The following CCR8 variants were observed in gnomAD, a reference collection of about 807,000 sequenced individuals.
CCR8 encodes the protein C-C chemokine receptor type 8.
For missense variants in CCR8, 358 were observed against 417.5 expected (o/e 0.86, Z 1.24); for synonymous variants, 156 against 165.7 (o/e 0.94, Z 0.45).
chr3:39,333,076 C>T lies in CCR8; in HGVS notation c.745C>T (p.Leu249Phe). The change falls in exon 2 of 2, where the codon CTT (leucine) becomes TTT (phenylalanine). Residue 249 changes from leucine to phenylalanine, a missense_variant. Leu to Phe is a conservative substitution (Grantham distance 22). Coordinates refer to ENST00000326306, the MANE Select transcript of CCR8 (RefSeq NM_005201.4). ...LVLIVVIASL[L>F]FWVPFNVVLF... ...GCTCATTGTGGTCATTGCATCTTTA[C>T]TTTTCTGGGTCCCATTCAACGTGGT... 1.9e-6 allele frequency: 3 copies of T among 1,614,130 alleles called. No individual in the cohort carries two copies. Among genetic ancestry groups the T allele is most frequent in the Non-Finnish European group, 2.5e-6 (3 of 1,180,028 alleles).
rs184331621 is a variant in CCR8 at position 39,331,128 on chromosome 3, G to A, written c.-14-1190G>A. On this transcript the variant is annotated intron_variant, in intron 1 of 1. Transcript: ENST00000326306. Reference sequence around the variant, plus strand: ...TTAGCAGCTGCTAATTCTAGGTGATGGAACTATGGGTATTTACATTTTCTT... The same window carrying A: ...TTAGCAGCTGCTAATTCTAGGTGATAGAACTATGGGTATTTACATTTTCTT... Among the ~76,000 whole-genome samples, 58 of 152,250 alleles carry A rather than the reference G, an allele frequency of 3.8e-4. 1 individual carries two copies. In the East Asian group the frequency reaches 0.011, roughly 28 times the overall value.
intron 1 of CCR8, among the ~76,000 whole-genome samples, chr3:39,330,802 A>G (rs1044916751): frequency 3.3e-5 from 5 of 152,224 alleles, no homozygotes; most frequent in African/African-American, 1.2e-4. Flanking sequence ...TTAAAACAAT[A>G]TATCATTTAT....
At position 39,333,328 on chromosome 3, in the gene CCR8, G is replaced by T; in HGVS notation, c.997G>T (p.Glu333Ter). The T allele has an allele frequency of 6.2e-7, 1 of 1,614,050 alleles. No individual in the cohort carries two copies. Among genetic ancestry groups the T allele is most frequent in the South Asian group, 1.1e-5 (1 of 91,088 alleles). The change falls in exon 2 of 2, where the codon GAG becomes TAG. Residue 333 changes from glutamate to a stop codon, truncating the protein, a stop_gained. Coordinates refer to ENST00000326306, the MANE Select transcript of CCR8 (RefSeq NM_005201.4). LOFTEE classifies it low-confidence loss of function (END_TRUNC). ...FNYLGRQMPR[E>*]SCEKSSSCQQ... is the part of the protein sequence containing the mutation. ...CTACCTAGGAAGACAAATGCCTAGG[G>T]AGAGCTGTGAAAAGTCATCATCCTG... is the stretch of plus-strand genomic sequence containing the variant.
rs1215924457 is a variant in CCR8, at chr3:39,333,001, C to G, written c.670C>G (p.Gln224Glu). The G allele has an allele frequency of 6.2e-7, 1 of 1,614,124 alleles. No individual in the cohort carries two copies. Among genetic ancestry groups the G allele is most frequent in the Non-Finnish European group, 8.5e-7 (1 of 1,180,000 alleles). Residue 224 changes from glutamine (Q) to glutamate (E), a missense_variant, in exon 2 of 2, where the codon CAG becomes GAG. Transcript: ENST00000326306. ...GTTCTGCTACATTAAAATCCTGCAC[C>G]AGCTGAAGAGGTGTCAAAACCACAA... The part of the protein sequence containing the change: ...FMFCYIKILH[Q>E]LKRCQNHNKT...
At position 39,333,116 on chromosome 3, in the gene CCR8, C is replaced by A. The variant is rs1177779611; in HGVS notation, c.785C>A (p.Ser262Tyr). ...TTCAACGTGGTTCTTTTCCTCACTT[C>A]CTTGCACAGTATGCACATCTTGGAT... is the stretch of plus-strand genomic sequence containing the variant. ...VPFNVVLFLT[S>Y]LHSMHILDGC... Residue 262 changes from serine (S) to tyrosine (Y), a missense_variant, in exon 2 of 2, where the codon TCC (serine) becomes TAC (tyrosine). Physicochemically the swap from Ser to Tyr is moderately radical, Grantham distance 144 (BLOSUM62 -2). Coordinates refer to ENST00000326306, the MANE Select transcript of CCR8 (RefSeq NM_005201.4). 2.5e-6 allele frequency: 4 copies of A among 1,614,010 alleles called. No individual in the cohort carries two copies. Among genetic ancestry groups the A allele is most frequent in the Admixed American group, 1.7e-5 (1 of 59,992 alleles).
At chr3:39,332,164 C>T (rs1424165012) in intron 1 of CCR8, among the ~76,000 whole-genome samples, 154 bp from the exon 2 acceptor site, 3 of 152,148 alleles carry the variant, frequency 2.0e-5, no homozygotes, top group African/African-American at 7.2e-5. Context: ...CAAATAGTCT[C>T]ACCCACTCCA....
At chr3:39,331,903 T>TCCA (rs2041259329) in intron 1 of CCR8, among the ~76,000 whole-genome samples, 1 of 132,740 alleles carries the variant, frequency 7.5e-6, no homozygotes, top group African/African-American at 2.8e-5. Flanking sequence ...CACAGCAACC[T>TCCA]CCACCTCTTC....
At position 39,332,971 on chromosome 3, in the gene CCR8, T is replaced by A; in HGVS notation, c.640T>A (p.Phe214Ile). 2 of 1,614,186 alleles carry A rather than the reference T, an allele frequency of 1.2e-6. No homozygotes were observed. The highest frequency in any genetic ancestry group is 1.7e-6 in the Non-Finnish European group (2 of 1,180,012). The change falls in exon 2 of 2, where the codon TTT becomes ATT. Residue 214 changes from phenylalanine (F) to isoleucine (I), a missense_variant. Transcript: ENST00000326306. ...ILGLLIPFTI[F>I]MFCYIKILHQ... ...AGGCTTGTTGATCCCATTCACCATCTTTATGTTCTGCTACATTAAAATCCT... is the reference window on the plus strand; with the variant it reads ...AGGCTTGTTGATCCCATTCACCATCATTATGTTCTGCTACATTAAAATCCT...
chr3:39,332,463 C>T lies in CCR8; in HGVS notation c.132C>T (p.Leu44=). 1 of 1,614,066 alleles carries T rather than the reference C, an allele frequency of 6.2e-7. No individual in the cohort carries two copies. The highest frequency in any genetic ancestry group is 8.5e-7 in the Non-Finnish European group (1 of 1,180,012). Residue 44 remains leucine, a synonymous_variant, in exon 2 of 2, where the codon CTC becomes CTT. Coordinates refer to ENST00000326306, the MANE Select transcript of CCR8 (RefSeq NM_005201.4). ...GKLLLAVFYC[L]LFVFSLLGNS... Reference sequence around the variant, plus strand: ...TGCTCCTTGCTGTCTTTTATTGCCTCCTGTTTGTATTCAGTCTTCTGGGAA... The same window carrying T: ...TGCTCCTTGCTGTCTTTTATTGCCTTCTGTTTGTATTCAGTCTTCTGGGAA...
In CCR8 at chr3:39,333,009, G is replaced by C. The variant is rs967301795; in HGVS notation, c.678G>C (p.Lys226Asn). The change falls in exon 2 of 2, where the codon AAG becomes AAC. Residue 226 changes from lysine (K) to asparagine (N), a missense_variant. Physicochemically the swap from Lys to Asn is moderately conservative, Grantham distance 94 (BLOSUM62 0). Coordinates refer to ENST00000326306, the MANE Select transcript of CCR8 (RefSeq NM_005201.4). ...ACATTAAAATCCTGCACCAGCTGAAGAGGTGTCAAAACCACAACAAGACCA... is the reference window on the plus strand; with the variant it reads ...ACATTAAAATCCTGCACCAGCTGAACAGGTGTCAAAACCACAACAAGACCA... ...FCYIKILHQLKRCQNHNKTKA... is the reference protein window; with the variant it reads ...FCYIKILHQLNRCQNHNKTKA... The C allele has an allele frequency of 1.2e-6, 2 of 1,614,038 alleles. No individual in the cohort carries two copies. Among genetic ancestry groups the C allele is most frequent in the African/African-American group, 2.7e-5 (2 of 74,920 alleles).
At position 39,333,166 on chromosome 3, in the gene CCR8, A is replaced by T. The variant is rs1463735565; in HGVS notation, c.835A>T (p.Thr279Ser). Residue 279 changes from threonine to serine, a missense_variant, in exon 2 of 2, where the codon ACT (threonine) becomes TCT (serine). Physicochemically the swap from Thr to Ser is moderately conservative, Grantham distance 58. Coordinates refer to ENST00000326306, the MANE Select transcript of CCR8 (RefSeq NM_005201.4). Reference protein sequence around the residue: ...LDGCSISQQLTYATHVTEIIS... With the variant: ...LDGCSISQQLSYATHVTEIIS... The stretch of plus-strand genomic sequence containing the variant: ...TGGATGTAGCATAAGCCAACAGCTG[A>T]CTTATGCCACCCATGTCACAGAAAT... 2 of 1,614,008 alleles carry T rather than the reference A, an allele frequency of 1.2e-6. No individual in the cohort carries two copies. Among genetic ancestry groups the T allele is most frequent in the Non-Finnish European group, 1.7e-6 (2 of 1,179,900 alleles).
In CCR8 at chr3:39,332,430, T is replaced by C. The variant is rs1378408577; in HGVS notation, c.99T>C (p.Asn33=). The C allele has an allele frequency of 1.9e-6, 3 of 1,613,998 alleles. No individual in the cohort carries two copies. The highest frequency in any genetic ancestry group is 3.3e-5 in the Admixed American group (2 of 60,010). ...GTGATGCGGAACTTATTCAGACAAA[T>C]GGCAAGTTGCTCCTTGCTGTCTTTT... is the stretch of plus-strand genomic sequence containing the variant. The part of the protein sequence containing the change: ...SPCDAELIQT[N]GKLLLAVFYC... Residue 33 remains asparagine, a synonymous_variant, in exon 2 of 2, where the codon AAT becomes AAC. Transcript: ENST00000326306.
Position 39,333,232 on chromosome 3 carries a change from GC to G in CCR8, c.902del (p.Ala301ValfsTer26). 6.2e-7 allele frequency: 1 copy of G among 1,614,038 alleles called. No individual in the cohort carries two copies. The highest frequency in any genetic ancestry group is 8.5e-7 in the Non-Finnish European group (1 of 1,180,002). On this transcript the variant is annotated frameshift_variant, in exon 2 of 2. Coordinates refer to ENST00000326306, the MANE Select transcript of CCR8 (RefSeq NM_005201.4). LOFTEE classifies it low-confidence loss of function (END_TRUNC). ...CTGCTGTGTGAACCCTGTTATCTAT[GC>G]TTTTGTTGGGGAGAAGTTCAAGAAA... is the stretch of plus-strand genomic sequence containing the variant. Reference protein sequence around the residue: ...THCCVNPVIYAFVGEKFKKHL... With the variant: ...THCCVNPVIYXFVGEKFKKHL...
At chr3:39,330,696 A>G (rs1236387730) in intron 1 of CCR8, among the ~76,000 whole-genome samples, 1 of 152,196 alleles carries the variant, frequency 6.6e-6, no homozygotes, top group Admixed American at 6.5e-5. Context: ...TGCTTAGGAA[A>G]GCAATTAAAA....
At chr3:39,331,820 A>ATT (rs57593683) in intron 1 of CCR8, among the ~76,000 whole-genome samples, 981 of 93,980 alleles carry the variant, frequency 0.01, 24 homozygotes, top group Middle Eastern at 0.019. Flanking sequence ...TTTAATTTTA[A>ATT]TTTTTTTTTT....
Position 39,333,370 on chromosome 3 carries a change from C to T in CCR8, c.1039C>T (p.Arg347Cys), listed in dbSNP as rs760975188. The T allele has an allele frequency of 4.6e-5, 74 of 1,613,464 alleles. No homozygotes were observed. Among genetic ancestry groups the T allele is most frequent in the South Asian group, 2.1e-4 (19 of 91,044 alleles). The change falls in exon 2 of 2, where the codon CGT (arginine) becomes TGT (cysteine). Residue 347 changes from arginine (R) to cysteine (C), a missense_variant. Arg to Cys is a radical substitution (Grantham distance 180). Transcript: ENST00000326306. The stretch of plus-strand genomic sequence containing the variant: ...ATCATCCTGCCAGCAGCACTCCTCC[C>T]GTTCCTCCAGCGTAGACTACATTTT... ...KSSSCQQHSS[R>C]SSSVDYIL
rs2041271560 is a variant in CCR8 at position 39,333,291 on chromosome 3, C to G, written c.960C>G (p.Ser320Arg). The G allele has an allele frequency of 6.2e-7, 1 of 1,613,904 alleles. No homozygotes were observed. The highest frequency in any genetic ancestry group is 8.5e-7 in the Non-Finnish European group (1 of 1,179,968). ...HLSEIFQKSC[S>R]QIFNYLGRQM... Reference sequence around the variant, plus strand: ...CAGAAATATTTCAGAAAAGTTGCAGCCAAATCTTCAACTACCTAGGAAGAC... The same window carrying G: ...CAGAAATATTTCAGAAAAGTTGCAGGCAAATCTTCAACTACCTAGGAAGAC... Residue 320 changes from serine (S) to arginine (R), a missense_variant, in exon 2 of 2, where the codon AGC (serine) becomes AGG (arginine). Physicochemically the swap from Ser to Arg is moderately radical, Grantham distance 110. Coordinates refer to ENST00000326306, the MANE Select transcript of CCR8 (RefSeq NM_005201.4).
rs1275567556 is a variant in CCR8 at position 39,333,480 on chromosome 3, G to A, written c.*81G>A. The A allele has an allele frequency of 3.4e-6, 4 of 1,168,568 alleles. No homozygotes were observed. Among genetic ancestry groups the A allele is most frequent in the Non-Finnish European group, 4.8e-6 (4 of 834,360 alleles). 72.4% of individuals were successfully genotyped at this position (1,168,568 alleles called of 1,614,324 possible). A position where few individuals can be genotyped will look rare whatever the true frequency, so the allele number is the denominator to read the frequency against. On this transcript the variant is annotated 3_prime_UTR_variant, in exon 2 of 2. Coordinates refer to ENST00000326306, the MANE Select transcript of CCR8 (RefSeq NM_005201.4). ...GTGAGCAAAGGTGTGGGTGTGAAAG[G>A]TTTCCAAAAAAAGTTCAGCATGAAG...
At position 39,333,433 on chromosome 3, in the gene CCR8, C is replaced by T. The variant is rs1187434938; in HGVS notation, c.*34C>T. ...GAAGACTAAATATAAAAAACATTTT[C>T]TTGAATGGCATGCTAGTAGCAGTGA... On this transcript the variant is annotated 3_prime_UTR_variant, in exon 2 of 2. Coordinates refer to ENST00000326306, the MANE Select transcript of CCR8 (RefSeq NM_005201.4). 6.5e-7 allele frequency: 1 copy of T among 1,527,416 alleles called. No individual in the cohort carries two copies. Among genetic ancestry groups the T allele is most frequent in the Non-Finnish European group, 8.9e-7 (1 of 1,123,038 alleles). The allele number at this position is 1,527,416 out of a possible 1,614,324, so 94.6% of individuals were successfully genotyped here. A position where few individuals can be genotyped will look rare whatever the true frequency, so the allele number is the denominator to read the frequency against.
Sources: gnomAD v4.1 joint callset for allele counts (sites outside exome capture counted in the v4.1 genomes callset) on GRCh38, gnomAD v4.1.1 for gene constraint, MANE v1.5 for transcripts, NCBI Gene and HGNC (gene_info 2026-07-23, HGNC 2026-07-21) for gene names.